The following NSMCE2 variants were observed in gnomAD, a reference collection of about 807,000 sequenced individuals.
NSMCE2 encodes the protein E3 SUMO-protein ligase NSE2.
NSMCE2 carries 24 observed loss-of-function variants against 23.8 expected under a neutral mutation model. That is an observed-to-expected ratio of 1.01 (90% CI 0.73 to 1.42). The LOEUF is 1.42. NSMCE2 is among the 40% of genes most tolerant of loss of function. NSMCE2 has a pLI of 0.00. For synonymous variants in NSMCE2, 92 were observed against 94.1 expected (o/e 0.98, Z 0.13); for missense variants, 284 against 296.5 (o/e 0.96, Z 0.31).
At chr8:125,356,147 C>A (rs190317012) in intron 5 of NSMCE2, among the ~76,000 whole-genome samples, 67 of 152,052 alleles carry the variant, frequency 4.4e-4, no homozygotes, top group African/African-American at 1.5e-3. Context: ...ATATCCAAAT[C>A]CAACTGGCTG....
At chr8:125,170,823 C>T (rs1354633943) in intron 4 of NSMCE2, among the ~76,000 whole-genome samples, 3 of 152,152 alleles carry the variant, frequency 2.0e-5, no homozygotes, top group Non-Finnish European at 2.9e-5. Flanking sequence ...CCTGCAGCAG[C>T]CTACTGACTG....
chr8:125,250,178 TG>T lies in NSMCE2; in HGVS notation c.418+67926del, dbSNP rs1388208574. ...CTAATTTTTGTATTTTTAGTAGAGA[TG>T]GGGTTTCACCATGTTGGCCAGGCTG... is the stretch of plus-strand genomic sequence containing the variant. On this transcript the variant is annotated intron_variant, in intron 5 of 7. Coordinates refer to ENST00000287437, the MANE Select transcript of NSMCE2 (RefSeq NM_173685.4). Among the ~76,000 whole-genome samples the T allele has an allele frequency of 4.6e-5, 7 of 152,208 alleles. No individual in the cohort carries two copies. In the East Asian group the frequency reaches 1.4e-3, roughly 29 times the overall value.
intron 4 of NSMCE2, among the ~76,000 whole-genome samples, chr8:125,169,602 A>G (rs921082633): frequency 1.3e-5 from 2 of 152,132 alleles, no homozygotes; most frequent in Non-Finnish European, 2.9e-5. Flanking sequence ...TTCTCAAATT[A>G]ATTCACCTAC....
At chr8:125,300,352 A>G (rs981231303) in intron 5 of NSMCE2, among the ~76,000 whole-genome samples, 5 of 151,720 alleles carry the variant, frequency 3.3e-5, no homozygotes, top group African/African-American at 1.2e-4. Flanking sequence ...TAGTAGAGAC[A>G]GGGTTTCACC....
chr8:125,182,327 T>G, intron 5 of NSMCE2, 71 bp downstream of exon 5: 1 of 1,158,426 alleles, frequency 8.6e-7, no homozygotes, highest in Non-Finnish European at 1.3e-6. Context: ...CAGCCCCAGT[T>G]AACTGATTTT....
Position 125,153,975 on chromosome 8 carries a change from G to A in NSMCE2, c.264+2698G>A, listed in dbSNP as rs543051767. Among the ~76,000 whole-genome samples the A allele has an allele frequency of 2.0e-5, 3 of 152,190 alleles. No individual in the cohort carries two copies. In the South Asian group the frequency reaches 6.2e-4, roughly 32 times the overall value. On this transcript the variant is annotated intron_variant, in intron 4 of 7. Coordinates refer to ENST00000287437, the MANE Select transcript of NSMCE2 (RefSeq NM_173685.4). ...AAGAGTCATATAGGATTAAGTATAG[G>A]CTACTTAAATTATTGCACAAGGTGT...
rs184195817 is a variant in NSMCE2 at position 125,196,250 on chromosome 8, C to T, written c.418+13994C>T. Reference sequence around the variant, plus strand: ...TAAGTTCTAGGGTACATGTGCACAACGTGCAGGTTTGTTACATAGGTATAC... The same window carrying T: ...TAAGTTCTAGGGTACATGTGCACAATGTGCAGGTTTGTTACATAGGTATAC... On this transcript the variant is annotated intron_variant, in intron 5 of 7. Transcript: ENST00000287437. Among the ~76,000 whole-genome samples the T allele has an allele frequency of 2.3e-4, 34 of 148,548 alleles. No homozygotes were observed. In the East Asian group the frequency reaches 3.6e-3, roughly 16 times the overall value.
chr8:125,126,950 T>G (rs1344069531), intron 3 of NSMCE2: 2 of 152,220 alleles, frequency 1.3e-5, no homozygotes, highest in African/African-American at 4.8e-5. Flanking sequence ...CTTATAATTA[T>G]TTGGTTCTTT....
chr8:125,351,997 G>C lies in NSMCE2; in HGVS notation c.419-5222G>C, dbSNP rs529778236. ...TGCTGCAACTCTAGCCTGGGCAACA[G>C]AGCAAGACTCCATTTCAAAAATATA... On this transcript the variant is annotated intron_variant, in intron 5 of 7. Coordinates refer to ENST00000287437, the MANE Select transcript of NSMCE2 (RefSeq NM_173685.4). 5.3e-5 allele frequency among the ~76,000 whole-genome samples: 8 copies of C among 152,148 alleles called. No homozygotes were observed. In the South Asian group the frequency reaches 1.5e-3, roughly 28 times the overall value.
At chr8:125,301,472 CGGTGGGGTGGT>C (rs373711332) in intron 5 of NSMCE2, among the ~76,000 whole-genome samples, 53 of 151,982 alleles carry the variant, frequency 3.5e-4, no homozygotes, top group African/African-American at 1.3e-3. Flanking sequence ...ATGGAGGTGG[CGGTGGGGTGGT>C]GGTGAGGATT....
chr8:125,330,766 G>C (rs528619051), intron 5 of NSMCE2, among the ~76,000 whole-genome samples: 146 of 152,254 alleles, frequency 9.6e-4, no homozygotes, highest in Non-Finnish European at 1.6e-3. Context: ...GGCTTTGGAG[G>C]AGTGATGATC....
chr8:125,320,293 G>GA (rs1829396377), intron 5 of NSMCE2, among the ~76,000 whole-genome samples: 1 of 101,402 alleles, frequency 9.9e-6, no homozygotes, highest in Admixed American at 1.1e-4. Flanking sequence ...AGGAAGGAAG[G>GA]AAGGAAGGAA....
At chr8:125,121,054 G>C (rs189307707) in intron 3 of NSMCE2, among the ~76,000 whole-genome samples, 1 of 152,206 alleles carries the variant, frequency 6.6e-6, no homozygotes, top group East Asian at 1.9e-4. Flanking sequence ...AACTTGGAAG[G>C]CATCTTTTAT....
At chr8:125,311,045 T>C (rs1024354731) in intron 5 of NSMCE2, among the ~76,000 whole-genome samples, 4 of 152,180 alleles carry the variant, frequency 2.6e-5, no homozygotes, top group Admixed American at 2.6e-4. Flanking sequence ...ATCAGATAAA[T>C]TGGGGGTCAA....
chr8:125,202,579 T>C (rs1823933387), intron 5 of NSMCE2, among the ~76,000 whole-genome samples: 1 of 152,226 alleles, frequency 6.6e-6, no homozygotes, highest in Non-Finnish European at 1.5e-5. Flanking sequence ...TAATGCTAAC[T>C]AGCCCACAGA....
At chr8:125,170,445 G>A (rs181546362) in intron 4 of NSMCE2, among the ~76,000 whole-genome samples, 101 of 125,474 alleles carry the variant, frequency 8.0e-4, no homozygotes, top group African/African-American at 2.9e-3. Flanking sequence ...TTGGCCTCTT[G>A]GGCAGGCTGG....
intron 3 of NSMCE2, among the ~76,000 whole-genome samples, chr8:125,132,287 A>G (rs1199180884): frequency 6.6e-6 from 1 of 152,144 alleles, no homozygotes; most frequent in Non-Finnish European, 1.5e-5. Context: ...TGTTTTGTAC[A>G]GACAGGGTCT....
intron 5 of NSMCE2, among the ~76,000 whole-genome samples, chr8:125,241,330 G>A (rs1182733530): frequency 1.3e-5 from 2 of 152,172 alleles, no homozygotes; most frequent in African/African-American, 4.8e-5. Flanking sequence ...CCATGAAAAT[G>A]TATAATGCAG....
At chr8:125,244,182 TAGGC>T (rs1262138880) in intron 5 of NSMCE2, among the ~76,000 whole-genome samples, 4 of 152,092 alleles carry the variant, frequency 2.6e-5, no homozygotes, top group Admixed American at 6.6e-5. Context: ...TCTCAACAAT[TAGGC>T]AGGAGGAAGA....
Sources: gnomAD v4.1 joint callset for allele counts (sites outside exome capture counted in the v4.1 genomes callset) on GRCh38, gnomAD v4.1.1 for gene constraint, MANE v1.5 for transcripts, NCBI Gene and HGNC (gene_info 2026-07-23, HGNC 2026-07-21) for gene names.